FBLN5: variants seen among roughly 807,000 people sequenced by gnomAD.
FBLN5 encodes the protein fibulin-5.
FBLN5 carries 24 observed loss-of-function variants against 61.6 expected under a neutral mutation model. The ratio of observed to expected loss-of-function variants is 0.39; its 90% CI spans 0.28 to 0.55. FBLN5 has a LOEUF of 0.55. FBLN5 is among the 20% of genes least tolerant of loss of function. FBLN5 has a pLI of 0.65. For synonymous variants in FBLN5, 213 were observed against 219.8 expected (o/e 0.97, Z 0.27); for missense variants, 470 against 594.1 (o/e 0.79, Z 2.17).
chr14:91,914,459 C>T (rs1374268339), intron 4 of FBLN5, among the ~76,000 whole-genome samples: 30 of 113,462 alleles, frequency 2.6e-4, no homozygotes, highest in Non-Finnish European at 4.4e-4. Flanking sequence ...GCCTGGGCGA[C>T]AGAGTGAGAC....
intron 4 of FBLN5, among the ~76,000 whole-genome samples, chr14:91,906,677 C>T (rs1010613944): frequency 6.6e-6 from 1 of 152,362 alleles, no homozygotes; most frequent in South Asian, 2.1e-4. Flanking sequence ...TGGGCACCAG[C>T]AGCTTCCTGG....
intron 4 of FBLN5, among the ~76,000 whole-genome samples, chr14:91,905,581 CTT>C (rs34047802): frequency 0.15 from 20,569 of 134,682 alleles, 1,530 homozygotes; most frequent in Admixed American, 0.23. Context: ...AGAATATGAG[CTT>C]TTTTTTTTTT....
In FBLN5 at chr14:91,882,146, G is replaced by T. The variant is rs981869559; in HGVS notation, c.863-728C>A. ...AACTCCAGCCTGGGCAACAGAGTGA[G>T]ACTCTGTCACAAAAAGAAAAAAAAG... On this transcript the variant is annotated intron_variant, in intron 8 of 10. Coordinates refer to ENST00000342058, the MANE Select transcript of FBLN5 (RefSeq NM_006329.4). The surrounding 1 kb of genome is among the most constrained non-coding windows in gnomAD (Gnocchi z 4.9). Among the ~76,000 whole-genome samples, 4 of 151,966 alleles carry T rather than the reference G, an allele frequency of 2.6e-5. No homozygotes were observed. The highest frequency in any genetic ancestry group is 5.9e-5 in the Non-Finnish European group (4 of 67,986).
rs1299336825 is a variant in FBLN5, at chr14:91,947,511, TC to T, written c.-283del. On this transcript the variant is annotated 5_prime_UTR_variant, in exon 1 of 11. Coordinates refer to ENST00000342058, the MANE Select transcript of FBLN5 (RefSeq NM_006329.4). The surrounding 1 kb of genome is among the most constrained non-coding windows in gnomAD (Gnocchi z 4.3). The stretch of plus-strand genomic sequence containing the variant: ...AATGTTAAAAATGAACACTTCATTT[TC>T]TAAGTATGTTAAACAATGCAAATGG... The T allele has an allele frequency of 1.7e-6, 1 of 579,826 alleles. No homozygotes were observed. The highest frequency in any genetic ancestry group is 3.1e-6 in the Non-Finnish European group (1 of 325,470). 35.9% of individuals were successfully genotyped at this position (579,826 alleles called of 1,614,324 possible).
At chr14:91,932,240 G>A (rs546466628) in intron 4 of FBLN5, among the ~76,000 whole-genome samples, 1 of 152,280 alleles carries the variant, frequency 6.6e-6, no homozygotes, top group South Asian at 2.1e-4. Context: ...CTTGGCTCGT[G>A]GACTATAATT....
chr14:91,878,094 G>A (rs1889257727), intron 9 of FBLN5: 1 of 396,348 alleles, frequency 2.5e-6, no homozygotes, highest in Admixed American at 3.4e-5. Context: ...GTAAGAAACT[G>A]GATTAACAGG....
At chr14:91,906,918 A>G (rs1890707862) in intron 4 of FBLN5, among the ~76,000 whole-genome samples, 1 of 152,250 alleles carries the variant, frequency 6.6e-6, no homozygotes, top group African/African-American at 2.4e-5. Context: ...GTCTGTTTAC[A>G]GTCTAGTTGA....
At chr14:91,897,384 G>A (rs1316995117) in intron 4 of FBLN5, among the ~76,000 whole-genome samples, 1 of 152,208 alleles carries the variant, frequency 6.6e-6, no homozygotes, top group Non-Finnish European at 1.5e-5. Context: ...CGGCTGGTGC[G>A]TATTTACATT....
At chr14:91,913,223 C>T (rs866801353) in intron 4 of FBLN5, among the ~76,000 whole-genome samples, 1 of 152,144 alleles carries the variant, frequency 6.6e-6, no homozygotes, top group African/African-American at 2.4e-5. Flanking sequence ...CAACCAGCCC[C>T]TCCACTAACT....
At position 91,943,930 on chromosome 14, in the gene FBLN5, A is replaced by G. The variant is rs1296836468; in HGVS notation, c.18-969T>C. Among the ~76,000 whole-genome samples, 5 of 152,202 alleles carry G rather than the reference A, an allele frequency of 3.3e-5. No homozygotes were observed. Among genetic ancestry groups the G allele is most frequent in the Admixed American group, 2.6e-4 (4 of 15,274 alleles). On this transcript the variant is annotated intron_variant, in intron 1 of 10. Coordinates refer to ENST00000342058, the MANE Select transcript of FBLN5 (RefSeq NM_006329.4). This position sits in a 1 kb window ranked among gnomAD's most constrained non-coding sequence, Gnocchi z 4.0. The stretch of plus-strand genomic sequence containing the variant: ...AGGAGGAGTCACGCACCCTGGGCTC[A>G]GTTCTGCCATGCACAAGACAGTGAT...
At chr14:91,908,228 G>A (rs567069427) in intron 4 of FBLN5, among the ~76,000 whole-genome samples, 4 of 152,246 alleles carry the variant, frequency 2.6e-5, no homozygotes, top group Admixed American at 1.3e-4. Flanking sequence ...CACACCTCCC[G>A]TTCTTGACTC....
At chr14:91,920,381 C>T (rs773944163) in intron 4 of FBLN5, among the ~76,000 whole-genome samples, 19 of 152,156 alleles carry the variant, frequency 1.2e-4, no homozygotes, top group Non-Finnish European at 2.5e-4. Context: ...CCCAGTGTCT[C>T]GAAATGAATG....
chr14:91,930,570 G>T (rs936783983), intron 4 of FBLN5, among the ~76,000 whole-genome samples: 1 of 152,130 alleles, frequency 6.6e-6, no homozygotes, highest in African/African-American at 2.4e-5. Context: ...TTTTCCTTCT[G>T]GTCTCAGCCT....
intron 4 of FBLN5, among the ~76,000 whole-genome samples, chr14:91,919,381 G>GAAAAGA (rs1386434150): frequency 2.3e-3 from 288 of 127,374 alleles, no homozygotes; most frequent in African/African-American, 8.6e-3. Flanking sequence ...GAAAAGAAAA[G>GAAAAGA]AAAGAAAGAA....
At chr14:91,871,945 G>C (rs1888952474) in intron 10 of FBLN5, among the ~76,000 whole-genome samples, 1 of 152,116 alleles carries the variant, frequency 6.6e-6, no homozygotes, top group Admixed American at 6.5e-5. Flanking sequence ...TCACCAGGGA[G>C]CTTCTTATAA....
At chr14:91,929,125 C>T (rs1156274216) in intron 4 of FBLN5, among the ~76,000 whole-genome samples, 2 of 150,848 alleles carry the variant, frequency 1.3e-5, no homozygotes, top group African/African-American at 4.9e-5. Flanking sequence ...CCCACACACA[C>T]ACATGATACA....
At position 91,869,460 on chromosome 14, in the gene FBLN5, T is replaced by G. The variant is rs963681043; in HGVS notation, c.*764A>C. The G allele has an allele frequency of 6.6e-6, 1 of 152,360 alleles. No homozygotes were observed. The highest frequency in any genetic ancestry group is 2.4e-5 in the African/African-American group (1 of 41,394). 9.4% of individuals were successfully genotyped at this position (152,360 alleles called of 1,614,324 possible). A position where few individuals can be genotyped will look rare whatever the true frequency, so the allele number is the denominator to read the frequency against. ...GGAGACCTCTGCATTCCAATCCAAT[T>G]GGGTAAAAATTCTAAAGAAAGCAAG... On this transcript the variant is annotated 3_prime_UTR_variant, in exon 11 of 11. Coordinates refer to ENST00000342058, the MANE Select transcript of FBLN5 (RefSeq NM_006329.4).
At chr14:91,887,043 G>A in intron 7 of FBLN5, 150 bp downstream of exon 7, 2 of 839,952 alleles carry the variant, frequency 2.4e-6, no homozygotes, top group Non-Finnish European at 4.0e-6. Flanking sequence ...TCTGTTCTGT[G>A]TGATTCTGAC....
chr14:91,877,602 G>A lies in FBLN5; in HGVS notation c.1070C>T (p.Ser357Leu). The change falls in exon 10 of 11, where the codon TCA (serine) becomes TTA (leucine). Residue 357 changes from serine (S) to leucine (L), a missense_variant. Ser to Leu is a moderately radical substitution (Grantham distance 145). Coordinates refer to ENST00000342058, the MANE Select transcript of FBLN5 (RefSeq NM_006329.4). ...TILYRDMDVV[S>L]GRSVPADIFQ... Reference sequence around the variant, plus strand: ...GATGTCAGCGGGAACGGAGCGTCCTGACACCACGTCCATGTCCCGGTACAA... The same window carrying A: ...GATGTCAGCGGGAACGGAGCGTCCTAACACCACGTCCATGTCCCGGTACAA... The A allele has an allele frequency of 6.2e-7, 1 of 1,614,018 alleles. No homozygotes were observed. Among genetic ancestry groups the A allele is most frequent in the South Asian group, 1.1e-5 (1 of 91,080 alleles).
Sources: allele counts gnomAD v4.1 joint callset (sites outside exome capture counted in the v4.1 genomes callset), GRCh38; gene constraint gnomAD v4.1.1; non-coding constraint Gnocchi (gnomAD v3.1); transcripts MANE v1.5; gene names NCBI Gene and HGNC (gene_info 2026-07-23, HGNC 2026-07-21).